MEGF11: variants seen among roughly 807,000 people sequenced by gnomAD.
MEGF11 encodes multiple EGF like domains 11.
Under a neutral mutation model 146.6 loss-of-function variants are expected in MEGF11, and 126 were observed. The observed-to-expected ratio is 0.86, with a 90% confidence interval of 0.74 to 1.00. The LOEUF is 1.00. MEGF11 is among the 50% of genes least tolerant of loss of function. The pLI, the probability that MEGF11 is intolerant of heterozygous loss-of-function variation, is 0.00. For missense variants in MEGF11, 1,509 were observed against 1,521.2 expected, an observed-to-expected ratio of 0.99 and a Z score of 0.13; for synonymous variants, 532 against 583.4, an observed-to-expected ratio of 0.91 and a Z score of 1.27.
chr15:65,975,947 G>GA (rs1649246929), intron 7 of MEGF11, among the ~76,000 whole-genome samples: 1 of 152,118 alleles, frequency 6.6e-6, no homozygotes, highest in Non-Finnish European at 1.5e-5. Context: ...GAGGCAGGGG[G>GA]AGAGAGCAGC....
chr15:66,068,040 A>T (rs765574127), intron 5 of MEGF11, among the ~76,000 whole-genome samples: 3 of 152,210 alleles, frequency 2.0e-5, no homozygotes, highest in Non-Finnish European at 4.4e-5. Context: ...GTAAAATGGG[A>T]GTAATAATAG....
chr15:66,048,381 G>A (rs1182129969), intron 5 of MEGF11, among the ~76,000 whole-genome samples: 5 of 152,248 alleles, frequency 3.3e-5, no homozygotes, highest in African/African-American at 1.2e-4. Context: ...GACCCCGCAG[G>A]CACCCTTCTC....
intron 5 of MEGF11, among the ~76,000 whole-genome samples, chr15:66,012,478 T>C (rs1430326382): frequency 6.6e-6 from 1 of 152,178 alleles, no homozygotes; most frequent in African/African-American, 2.4e-5. Flanking sequence ...GCCCATGCAA[T>C]GTCAAAGCAG....
At chr15:66,064,326 A>C (rs1361645954) in intron 5 of MEGF11, among the ~76,000 whole-genome samples, 1 of 152,024 alleles carries the variant, frequency 6.6e-6, no homozygotes, top group Non-Finnish European at 1.5e-5. Context: ...CCGAGATTGC[A>C]CCACTGCACT....
At chr15:66,143,659 C>T (rs2089256922) in intron 1 of MEGF11, among the ~76,000 whole-genome samples, 1 of 152,214 alleles carries the variant, frequency 6.6e-6, no homozygotes, top group Admixed American at 6.5e-5. Context: ...TTCTTCTCTC[C>T]AGGGACCTCT....
chr15:66,050,061 T>A (rs545840005), intron 5 of MEGF11, among the ~76,000 whole-genome samples: 2 of 152,312 alleles, frequency 1.3e-5, no homozygotes, highest in South Asian at 4.1e-4. Context: ...GTGTTAAAAA[T>A]TTTTAAAAAT....
intron 1 of MEGF11, among the ~76,000 whole-genome samples, chr15:66,225,588 A>G (rs7163316): frequency 0.013 from 1,909 of 152,282 alleles, 40 homozygotes; most frequent in African/African-American, 0.044. Context: ...AGACACACTC[A>G]CACACCAGCG....
At chr15:66,186,666 C>T (rs1313964581) in intron 1 of MEGF11, among the ~76,000 whole-genome samples, 1 of 152,234 alleles carries the variant, frequency 6.6e-6, no homozygotes, top group Non-Finnish European at 1.5e-5. Flanking sequence ...ATCACCCCTG[C>T]TGAGCCTCCA....
chr15:66,029,270 G>A (rs2083438948), intron 5 of MEGF11, among the ~76,000 whole-genome samples: 1 of 152,150 alleles, frequency 6.6e-6, no homozygotes, highest in Non-Finnish European at 1.5e-5. Context: ...CCAGGGAGGG[G>A]TGCAGAGAAT....
chr15:65,938,337 T>C (rs769120982), intron 10 of MEGF11, among the ~76,000 whole-genome samples: 22 of 152,254 alleles, frequency 1.4e-4, no homozygotes, highest in Non-Finnish European at 2.6e-4. Flanking sequence ...GGTCACAGGA[T>C]GCTAACAGCC....
At chr15:66,140,421 C>CT (rs11462090) in intron 1 of MEGF11, among the ~76,000 whole-genome samples, 34,140 of 152,068 alleles carry the variant, frequency 0.22, 4,070 homozygotes, top group Non-Finnish European at 0.27. Context: ...GCAGGTTTCC[C>CT]GCCTGACTCC....
Position 66,223,759 on chromosome 15 carries a change from A to G in MEGF11, c.-9+29846T>C, listed in dbSNP as rs1200318432. On this transcript the variant is annotated intron_variant, in intron 1 of 25. Coordinates refer to ENST00000395614, the MANE Select transcript of MEGF11 (RefSeq NM_001385028.1). Reference sequence around the variant, plus strand: ...ATAAAAATGAAACAAAATAAAAAATAAAATGGTGGATTTATGGTATGTGGA... The same window carrying G: ...ATAAAAATGAAACAAAATAAAAAATGAAATGGTGGATTTATGGTATGTGGA... Among the ~76,000 whole-genome samples, 3 of 152,328 alleles carry G rather than the reference A, an allele frequency of 2.0e-5. No homozygotes were observed. In the East Asian group the frequency reaches 5.8e-4, roughly 29 times the overall value.
chr15:66,079,586 C>T (rs1453660056), intron 5 of MEGF11, among the ~76,000 whole-genome samples: 1 of 144,486 alleles, frequency 6.9e-6, no homozygotes, highest in East Asian at 2.2e-4. Context: ...ATCCCCTGTA[C>T]AGCCAGTGTT....
intron 5 of MEGF11, among the ~76,000 whole-genome samples, chr15:66,019,264 T>A (rs1199201948): frequency 1.3e-5 from 2 of 152,092 alleles, no homozygotes; most frequent in Non-Finnish European, 2.9e-5. Context: ...CAAGCACCAA[T>A]CCTGACATGG....
At position 65,966,562 on chromosome 15, in the gene MEGF11, C is replaced by G. The variant is rs112201892; in HGVS notation, c.900-1442G>C. Among the ~76,000 whole-genome samples the G allele has an allele frequency of 1.9e-3, 293 of 152,218 alleles. 2 individuals carry two copies. The highest frequency in any genetic ancestry group is 6.8e-3 in the African/African-American group (283 of 41,524). ...CGGATTTTCCCTCGAGTAGAGGAAG[C>G]GTCTTCCTGCATTGGACTATAGAAT... On this transcript the variant is annotated intron_variant, in intron 8 of 25. Transcript: ENST00000395614.
chr15:65,929,747 C>T lies in MEGF11; in HGVS notation c.1545G>A (p.Leu515=). 2 of 1,552,472 alleles carry T rather than the reference C, an allele frequency of 1.3e-6. No individual in the cohort carries two copies. The highest frequency in any genetic ancestry group is 1.7e-6 in the Non-Finnish European group (2 of 1,147,476). The change falls in exon 12 of 26, where the codon CTG becomes CTA. Residue 515 remains leucine, a synonymous_variant. Coordinates refer to ENST00000395614, the MANE Select transcript of MEGF11 (RefSeq NM_001385028.1). ...GGCAAGGCAGCTCACAGGTGTCTCC[C>T]AGCCAGCCAGGAGTGCAGGAGCAGG... ...DGSCSCTPGW[L]GDTCELPCPD...
rs1333910530 is a variant in MEGF11, at chr15:66,062,284, C to T, written c.394+32118G>A. Among the ~76,000 whole-genome samples, 3 of 152,208 alleles carry T rather than the reference C, an allele frequency of 2.0e-5. No homozygotes were observed. The East Asian group carries it at 5.8e-4, about 29-fold the overall frequency. On this transcript the variant is annotated intron_variant, in intron 5 of 25. Coordinates refer to ENST00000395614, the MANE Select transcript of MEGF11 (RefSeq NM_001385028.1). ...CTTGTTTCTAACTAATAGAATATGG[C>T]AAAGATGATGGGCTGTCCCATGTTA... is the stretch of plus-strand genomic sequence containing the variant.
intron 2 of MEGF11, among the ~76,000 whole-genome samples, chr15:66,127,572 T>A (rs1483775768): frequency 6.6e-6 from 1 of 152,214 alleles, no homozygotes; most frequent in Non-Finnish European, 1.5e-5. Context: ...TTTATTAACA[T>A]GTAAGTGGCA....
rs1183879536 is a variant in MEGF11 at position 65,918,043 on chromosome 15, G to T, written c.2009C>A (p.Ala670Asp). ...GQDCAQLCSC[A>D]NNGTCSPIDG... ...GATAGGGCTGCAGGTCCCGTTGTTG[G>T]CACAGGAGCAGAGCTGGGCACAGTC... is the stretch of plus-strand genomic sequence containing the variant. Residue 670 changes from alanine to aspartate, a missense_variant, in exon 16 of 26, where the codon GCC (alanine) becomes GAC (aspartate). Physicochemically the swap from Ala to Asp is moderately radical, Grantham distance 126. Coordinates refer to ENST00000395614, the MANE Select transcript of MEGF11 (RefSeq NM_001385028.1). The T allele has an allele frequency of 6.2e-7, 1 of 1,613,870 alleles. No homozygotes were observed.
Sources: allele counts gnomAD v4.1 joint callset (sites outside exome capture counted in the v4.1 genomes callset), GRCh38; gene constraint gnomAD v4.1.1; transcripts MANE v1.5; gene names NCBI Gene and HGNC (gene_info 2026-07-23, HGNC 2026-07-21).